ATP5PB: variants seen among roughly 807,000 people sequenced by gnomAD.
The protein encoded by ATP5PB is ATP synthase peripheral stalk subunit b, mitochondrial.
In ATP5PB, 21 loss-of-function variants were observed where a neutral mutation model predicts 34.5. That is an observed-to-expected ratio of 0.61 (90% CI 0.43 to 0.88). The LOEUF (loss-of-function observed/expected upper bound fraction) is 0.88. Among genes scored for constraint, ATP5PB ranks in the 40% least tolerant of loss-of-function variants. The probability of loss-of-function intolerance (pLI) is 0.00; values close to 1 mark genes in which losing one functional copy is unlikely to be tolerated. For synonymous variants in ATP5PB, 108 were observed against 114.1 expected (o/e 0.95, Z 0.34); for missense variants, 293 against 317.4 (o/e 0.92, Z 0.58).
chr1:111,457,784 A>G (rs566299151), intron 5 of ATP5PB, among the ~76,000 whole-genome samples: 1 of 152,328 alleles, frequency 6.6e-6, no homozygotes, highest in Non-Finnish European at 1.5e-5. Flanking sequence ...CAAGATCCCT[A>G]AAGACTCTTA....
At position 111,449,877 on chromosome 1, in the gene ATP5PB, A is replaced by C. The variant is rs1343044328; in HGVS notation, c.77+4A>C. On this transcript the variant is annotated splice_donor_region_variant and intron_variant, in intron 2 of 6. Transcript: ENST00000369722. ...ATGCAGCCTTCCTAGGTCCAGGGTA[A>C]GTGTGAGGATAATGCTCCCTTTCGT... 1.9e-6 allele frequency: 3 copies of C among 1,614,022 alleles called. No homozygotes were observed. Among genetic ancestry groups the C allele is most frequent in the Non-Finnish European group, 2.5e-6 (3 of 1,180,016 alleles).
In ATP5PB at chr1:111,456,662, G is replaced by A. The variant is rs564164027; in HGVS notation, c.420G>A (p.Gln140=). The change falls in exon 5 of 7, where the codon CAG becomes CAA. Residue 140 remains glutamine, a synonymous_variant. Coordinates refer to ENST00000369722, the MANE Select transcript of ATP5PB (RefSeq NM_001688.5). ...QKLAQLEEAK[Q]ASIQHIQNAI... is the part of the protein sequence containing the mutation. Reference sequence around the variant, plus strand: ...TTGCCCAACTAGAAGAGGCGAAGCAGGCTTCCATCCAACACATCCAGAATG... The same window carrying A: ...TTGCCCAACTAGAAGAGGCGAAGCAAGCTTCCATCCAACACATCCAGAATG... The A allele has an allele frequency of 5.0e-6, 8 of 1,613,576 alleles. No individual in the cohort carries two copies. Among genetic ancestry groups the A allele is most frequent in the Middle Eastern group, 1.7e-4 (1 of 6,032 alleles).
chr1:111,452,298 T>C (rs2101755033), intron 2 of ATP5PB, among the ~76,000 whole-genome samples: 1 of 152,286 alleles, frequency 6.6e-6, no homozygotes, highest in African/African-American at 2.4e-5. Flanking sequence ...CCAGGTATAG[T>C]GTCTCACGCC....
chr1:111,453,337 A>G (rs1653384533), intron 2 of ATP5PB, among the ~76,000 whole-genome samples: 1 of 151,710 alleles, frequency 6.6e-6, no homozygotes, highest in African/African-American at 2.4e-5. Context: ...CTCAATAAGT[A>G]TTTGTAGGAT....
Position 111,462,527 on chromosome 1 carries a change from C to G in ATP5PB, c.*1533C>G, listed in dbSNP as rs548217318. The G allele has an allele frequency of 6.6e-6, 1 of 152,228 alleles. No individual in the cohort carries two copies. Among genetic ancestry groups the G allele is most frequent in the South Asian group, 2.1e-4 (1 of 4,828 alleles). 9.4% of individuals were successfully genotyped at this position (152,228 alleles called of 1,614,324 possible). ...TTTATCTGCATTTGATTCTCCCATA[C>G]TTGTACAAGGATTTATTTGTATTCA... is the stretch of plus-strand genomic sequence containing the variant. On this transcript the variant is annotated 3_prime_UTR_variant, in exon 7 of 7. Coordinates refer to ENST00000369722, the MANE Select transcript of ATP5PB (RefSeq NM_001688.5).
intron 4 of ATP5PB, 23 bp downstream of exon 4, chr1:111,456,272 C>T (rs774754988): frequency 1.9e-6 from 3 of 1,547,978 alleles, no homozygotes; most frequent in Non-Finnish European, 2.6e-6. Flanking sequence ...AACTTTATTT[C>T]CTATTTTAGA....
chr1:111,458,810 G>A (rs1280673961), intron 5 of ATP5PB, among the ~76,000 whole-genome samples: 1 of 152,094 alleles, frequency 6.6e-6, no homozygotes, highest in Non-Finnish European at 1.5e-5. Flanking sequence ...GCTGATCTTG[G>A]CTTCACAGTT....
chr1:111,454,739 C>T (rs1653424476), intron 3 of ATP5PB, among the ~76,000 whole-genome samples: 1 of 152,118 alleles, frequency 6.6e-6, no homozygotes, highest in Admixed American at 6.6e-5. Context: ...CACCCGCCTG[C>T]AGCCGCAAGT....
At chr1:111,451,762 T>C (rs1653343415) in intron 2 of ATP5PB, among the ~76,000 whole-genome samples, 1 of 152,108 alleles carries the variant, frequency 6.6e-6, no homozygotes, top group Non-Finnish European at 1.5e-5. Flanking sequence ...TTTCTTTGTT[T>C]GTTTTTGAGA....
In ATP5PB at chr1:111,454,297, G is replaced by C; in HGVS notation, c.164G>C (p.Arg55Pro). ...PPLPEYGGKV[R>P]YGLIPEEFFQ... is the part of the protein sequence containing the mutation. ...CTTCCTGAATACGGAGGAAAAGTTCGTTATGGACTGATCCCTGAGGAATTC... is the reference window on the plus strand; with the variant it reads ...CTTCCTGAATACGGAGGAAAAGTTCCTTATGGACTGATCCCTGAGGAATTC... The change falls in exon 3 of 7, where the codon CGT (arginine) becomes CCT (proline). Residue 55 changes from arginine to proline, a missense_variant. Coordinates refer to ENST00000369722, the MANE Select transcript of ATP5PB (RefSeq NM_001688.5). 1 of 1,613,214 alleles carries C rather than the reference G, an allele frequency of 6.2e-7. No individual in the cohort carries two copies. The highest frequency in any genetic ancestry group is 8.5e-7 in the Non-Finnish European group (1 of 1,179,730).
Position 111,462,467 on chromosome 1 carries a change from C to T in ATP5PB, c.*1473C>T, listed in dbSNP as rs1220191171. The T allele has an allele frequency of 6.6e-6, 1 of 152,102 alleles. No individual in the cohort carries two copies. The highest frequency in any genetic ancestry group is 1.5e-5 in the Non-Finnish European group (1 of 68,012). 9.4% of individuals were successfully genotyped at this position (152,102 alleles called of 1,614,324 possible). A position where few individuals can be genotyped will look rare whatever the true frequency, so the allele number is the denominator to read the frequency against. The stretch of plus-strand genomic sequence containing the variant: ...TCTTTTTTTAAATTGAAGAAAAATC[C>T]TGTAGATAAATTAGAAAATTCTTCC... On this transcript the variant is annotated 3_prime_UTR_variant, in exon 7 of 7. Coordinates refer to ENST00000369722, the MANE Select transcript of ATP5PB (RefSeq NM_001688.5).
rs778367498 is a variant in ATP5PB, at chr1:111,456,719, G to T, written c.477G>T (p.Leu159=). ...ATACGGAGAAGTCACAACAGGCACT[G>T]GTTCAGAAGCGCCATTACCTTTTTG... ...AIDTEKSQQA[L]VQKRHYLFDV... The change falls in exon 5 of 7, where the codon CTG becomes CTT. Residue 159 remains leucine, a synonymous_variant. Coordinates refer to ENST00000369722, the MANE Select transcript of ATP5PB (RefSeq NM_001688.5). 6.2e-7 allele frequency: 1 copy of T among 1,612,798 alleles called. No individual in the cohort carries two copies. The highest frequency in any genetic ancestry group is 8.5e-7 in the Non-Finnish European group (1 of 1,179,552).
Position 111,455,175 on chromosome 1 carries a change from T to G in ATP5PB, c.223+819T>G, listed in dbSNP as rs550044771. 2.0e-5 allele frequency among the ~76,000 whole-genome samples: 3 copies of G among 151,956 alleles called. No individual in the cohort carries two copies. In the East Asian group the frequency reaches 5.8e-4, roughly 29 times the overall value. On this transcript the variant is annotated intron_variant, in intron 3 of 6. Coordinates refer to ENST00000369722, the MANE Select transcript of ATP5PB (RefSeq NM_001688.5). ...GATTGTTTTTTTTTTAGCCCTGGAG[T>G]CACCTAAAGTAGCATTTTCCTAACT...
At chr1:111,456,008 A>C in intron 3 of ATP5PB, 78 bp from the exon 4 acceptor site, 1 of 1,256,296 alleles carries the variant, frequency 8.0e-7, no homozygotes, top group Non-Finnish European at 1.1e-6. Context: ...TCAGCTAATC[A>C]AATATAGAAG....
chr1:111,456,120 C>T lies in ATP5PB; in HGVS notation c.258C>T (p.Tyr86=), dbSNP rs772760964. 3.9e-5 allele frequency: 63 copies of T among 1,609,468 alleles called. No homozygotes were observed. In the East Asian group the frequency reaches 7.4e-4, roughly 19 times the overall value. ...TACTCGGAACTGGGCTTATCTTGTA[C>T]GCTTTATCCAAAGAAATATATGTGA... ...PYVLGTGLIL[Y]ALSKEIYVIS... is the part of the protein sequence containing the mutation. Residue 86 remains tyrosine, a synonymous_variant, in exon 4 of 7, where the codon TAC becomes TAT. Transcript: ENST00000369722.
At position 111,459,585 on chromosome 1, in the gene ATP5PB, C is replaced by T. The variant is rs78375935; in HGVS notation, c.642C>T (p.His214=). 1.8e-3 allele frequency: 2,944 copies of T among 1,613,902 alleles called. 45 individuals are homozygous for T. The African/African-American group carries it at 0.035, about 19-fold the overall frequency. Residue 214 remains histidine, a synonymous_variant, in exon 6 of 7, where the codon CAC becomes CAT. Coordinates refer to ENST00000369722, the MANE Select transcript of ATP5PB (RefSeq NM_001688.5). ...TGATGCGTCGAAAGGAACAAGAACA[C>T]ATGATAAATTGGGTGGAGAAGCACG... ...QNMMRRKEQE[H]MINWVEKHVV...
chr1:111,459,680 T>G, intron 6 of ATP5PB, 44 bp downstream of exon 6: 2 of 1,575,626 alleles, frequency 1.3e-6, no homozygotes, highest in Non-Finnish European at 1.7e-6. Flanking sequence ...CTGGTATCTC[T>G]TAACAAGTAT....
At chr1:111,458,418 G>A (rs979295964) in intron 5 of ATP5PB, among the ~76,000 whole-genome samples, 1 of 152,178 alleles carries the variant, frequency 6.6e-6, no homozygotes, top group African/African-American at 2.4e-5. Flanking sequence ...GCAGACACCT[G>A]AAAGAACTAA....
chr1:111,453,500 A>C (rs1444036011), intron 2 of ATP5PB, among the ~76,000 whole-genome samples: 2 of 152,066 alleles, frequency 1.3e-5, no homozygotes, highest in East Asian at 3.8e-4. Flanking sequence ...GTGTTATCTT[A>C]CATAGAAAAG....
Sources: gnomAD v4.1 joint callset for allele counts (sites outside exome capture counted in the v4.1 genomes callset) on GRCh38, gnomAD v4.1.1 for gene constraint, MANE v1.5 for transcripts, NCBI Gene and HGNC (gene_info 2026-07-23, HGNC 2026-07-21) for gene names.